RIN2: variants seen among roughly 807,000 people sequenced by gnomAD.
RIN2 encodes the protein Ras and Rab interactor 2.
A neutral mutation model predicts 78.0 loss-of-function variants in RIN2; 36 were observed. That is an observed-to-expected ratio of 0.46 (90% confidence interval 0.35 to 0.61). The LOEUF is 0.61. RIN2 is among the 20% of genes least tolerant of loss of function. The probability of loss-of-function intolerance (pLI) is 0.00; values close to 1 mark genes in which losing one functional copy is unlikely to be tolerated. For synonymous variants in RIN2, 466 were observed against 466.8 expected, an observed-to-expected ratio of 1.00 and a Z score of 0.02; for missense variants, 1,087 against 1,159.7, an observed-to-expected ratio of 0.94 and a Z score of 0.91.
chr20:19,863,115 T>C (rs553423975), intron 2 of RIN2, among the ~76,000 whole-genome samples: 18 of 152,248 alleles, frequency 1.2e-4, no homozygotes, highest in African/African-American at 4.3e-4. Context: ...ATAGGAAAAA[T>C]CAAGAGGAAC....
At chr20:19,817,637 A>G (rs1295497597) in intron 2 of RIN2, among the ~76,000 whole-genome samples, 1 of 152,230 alleles carries the variant, frequency 6.6e-6, no homozygotes, top group East Asian at 1.9e-4. Flanking sequence ...TTATGGATCT[A>G]TTTGACTTTT....
chr20:19,865,382 C>T (rs918562424), intron 2 of RIN2, among the ~76,000 whole-genome samples: 1 of 152,138 alleles, frequency 6.6e-6, no homozygotes, highest in African/African-American at 2.4e-5. Context: ...AATAAAACTG[C>T]CCAATAAAAC....
At chr20:19,823,369 G>GT (rs2035985536) in intron 2 of RIN2, 1 of 614,988 alleles carries the variant, frequency 1.6e-6, no homozygotes, top group African/African-American at 1.9e-5. Context: ...GTGAATGGTG[G>GT]TAACATCTGC....
intron 2 of RIN2, among the ~76,000 whole-genome samples, chr20:19,873,827 G>A (rs1182437018): frequency 3.3e-5 from 5 of 152,150 alleles, no homozygotes; most frequent in African/African-American, 1.2e-4. Flanking sequence ...CTCATTATTT[G>A]TGAATTCTGT....
chr20:19,798,932 C>T (rs2035157954), intron 1 of RIN2, among the ~76,000 whole-genome samples: 2 of 151,464 alleles, frequency 1.3e-5, no homozygotes, highest in Admixed American at 6.6e-5. Flanking sequence ...TGGAGTCTCA[C>T]TCTGTCACCC....
chr20:19,835,132 AAGGAAGGGAGGG>A (rs1170044329), intron 2 of RIN2, among the ~76,000 whole-genome samples: 2 of 99,252 alleles, frequency 2.0e-5, no homozygotes, highest in East Asian at 4.2e-4. Context: ...GGAAGAAAGG[AAGGAAGGGAGGG>A]AGGAAGGAAG....
chr20:19,764,918 G>GTTTTTTTTTTTTT (rs10605325), intron 1 of RIN2, among the ~76,000 whole-genome samples: 813 of 50,386 alleles, frequency 0.016, 231 homozygotes, highest in Middle Eastern at 0.048. Flanking sequence ...CACTTTCTGC[G>GTTTTTTTTTTTTT]TTTTTTTTTT....
chr20:19,839,108 G>A (rs1389073898), intron 2 of RIN2, among the ~76,000 whole-genome samples: 1 of 152,224 alleles, frequency 6.6e-6, no homozygotes, highest in African/African-American at 2.4e-5. Flanking sequence ...AGCGCCTCAT[G>A]GATGTTCCCT....
chr20:19,853,804 A>G (rs1041101580), intron 2 of RIN2, among the ~76,000 whole-genome samples: 3 of 152,182 alleles, frequency 2.0e-5, no homozygotes, highest in African/African-American at 4.8e-5. Flanking sequence ...AGTAGATTGC[A>G]AAAATTTTCT....
chr20:19,922,410 T>C (rs73901334), intron 3 of RIN2, among the ~76,000 whole-genome samples: 4,946 of 152,230 alleles, frequency 0.032, 276 homozygotes, highest in African/African-American at 0.11. Flanking sequence ...AGGCCCCCTC[T>C]GGCAGAAGTG....
At chr20:19,851,038 GAAGGAAGGAAGGAGAAAGA>G (rs2036954332) in intron 2 of RIN2, among the ~76,000 whole-genome samples, 1 of 88,376 alleles carries the variant, frequency 1.1e-5, no homozygotes, top group African/African-American at 4.5e-5. Context: ...AGGAAGGAAG[GAAGGAAGGAAGGAGAAAGA>G]AAGGAAGGAA....
At chr20:19,839,624 C>T (rs2036523261) in intron 2 of RIN2, among the ~76,000 whole-genome samples, 1 of 152,216 alleles carries the variant, frequency 6.6e-6, no homozygotes, top group Admixed American at 6.5e-5. Flanking sequence ...CTCTCTACCA[C>T]CTCCCCCTGG....
At chr20:19,925,506 AAG>A (rs1401385516) in intron 3 of RIN2, among the ~76,000 whole-genome samples, 1 of 152,194 alleles carries the variant, frequency 6.6e-6, no homozygotes, top group Non-Finnish European at 1.5e-5. Flanking sequence ...AAAACAATGA[AAG>A]AGATCATATG....
chr20:20,000,827 T>C lies in RIN2; in HGVS notation c.2579T>C (p.Leu860Pro). The C allele has an allele frequency of 6.2e-7, 1 of 1,613,988 alleles. No individual in the cohort carries two copies. The highest frequency in any genetic ancestry group is 8.5e-7 in the Non-Finnish European group (1 of 1,179,888). Residue 860 changes from leucine to proline, a missense_variant, in exon 13 of 13, where the codon CTG (leucine) becomes CCG (proline). Around this residue, in one of 8 missense-constraint regions of RIN2, gnomAD observed 160 missense variants for 179.4 expected, o/e 0.89. Transcript: ENST00000255006. ...TACCCTCAAAAAATCAAGGCGGAGC[T>C]GCACAGCCGACCACAGCCCCACATC... The part of the protein sequence containing the change: ...DTYPQKIKAE[L>P]HSRPQPHIFH...
chr20:19,808,416 C>A (rs1231781456), intron 2 of RIN2, among the ~76,000 whole-genome samples: 1 of 152,228 alleles, frequency 6.6e-6, no homozygotes, highest in Non-Finnish European at 1.5e-5. Flanking sequence ...CTGCTTTGAC[C>A]ATCTAGCTGG....
chr20:19,863,838 A>G (rs1185934457), intron 2 of RIN2, among the ~76,000 whole-genome samples: 1 of 152,068 alleles, frequency 6.6e-6, no homozygotes, highest in African/African-American at 2.4e-5. Flanking sequence ...AGCAAAGATG[A>G]CCATAGATGG....
intron 3 of RIN2, among the ~76,000 whole-genome samples, chr20:19,929,749 CAAAG>C (rs2040368466): frequency 6.6e-6 from 1 of 152,070 alleles, no homozygotes; most frequent in Non-Finnish European, 1.5e-5. Context: ...TTTCTGCCCT[CAAAG>C]AAGGAAATTT....
At chr20:19,780,547 A>G (rs1049832987) in intron 1 of RIN2, among the ~76,000 whole-genome samples, 2 of 152,148 alleles carry the variant, frequency 1.3e-5, no homozygotes, top group Admixed American at 6.5e-5. Context: ...GGGTCTCACC[A>G]TGAGTCCACC....
rs1186057810 is a variant in RIN2, at chr20:19,775,305, GTC to G, written c.-163+16980_-163+16981del. On this transcript the variant is annotated intron_variant, in intron 1 of 12. Coordinates refer to ENST00000255006, the MANE Select transcript of RIN2 (RefSeq NM_018993.4). The stretch of plus-strand genomic sequence containing the variant: ...TATGTTGCCAACTATGGTCTCCAAA[GTC>G]TGTGAAAACGTGGCAGTGCAAAGGT... Among the ~76,000 whole-genome samples the G allele has an allele frequency of 6.6e-5, 10 of 152,330 alleles. No individual in the cohort carries two copies. In the South Asian group the frequency reaches 1.0e-3, roughly 16 times the overall value.
Sources: gnomAD v4.1 joint callset for allele counts (sites outside exome capture counted in the v4.1 genomes callset) on GRCh38, gnomAD v4.1.1 for gene constraint, gnomAD v4.1.1 regional missense constraint, MANE v1.5 for transcripts, NCBI Gene and HGNC (gene_info 2026-07-23, HGNC 2026-07-21) for gene names.